IL1RL2: variants seen among roughly 807,000 people sequenced by gnomAD.
IL1RL2 encodes interleukin 1 receptor like 2.
A neutral mutation model predicts 66.8 loss-of-function variants in IL1RL2; 68 were observed. The observed-to-expected ratio is 1.02, with a 90% confidence interval of 0.84 to 1.25. IL1RL2 has a LOEUF of 1.25. Ranked by LOEUF, IL1RL2 falls within the 50% of genes most tolerant of loss-of-function variation. The probability of loss-of-function intolerance (pLI) is 0.00; values close to 1 mark genes in which losing one functional copy is unlikely to be tolerated. For synonymous variants in IL1RL2, 305 were observed against 264.6 expected (o/e 1.15, Z -1.48); for missense variants, 729 against 709.3 (o/e 1.03, Z -0.32).
At chr2:102,229,633 A>G (rs1040230955) in intron 9 of IL1RL2, among the ~76,000 whole-genome samples, 2 of 152,192 alleles carry the variant, frequency 1.3e-5, no homozygotes, top group African/African-American at 4.8e-5. Context: ...CTACAACTTG[A>G]TCTCTTGCTA....
At chr2:102,191,208 C>T (rs1384442386) in intron 3 of IL1RL2, among the ~76,000 whole-genome samples, 2 of 152,208 alleles carry the variant, frequency 1.3e-5, no homozygotes, top group Non-Finnish European at 2.9e-5. Flanking sequence ...AATCATCATA[C>T]CCTCTTAGCC....
At chr2:102,192,267 C>A in intron 4 of IL1RL2, 147 bp downstream of exon 4, 1 of 511,976 alleles carries the variant, frequency 2.0e-6, no homozygotes, top group Non-Finnish European at 3.4e-6. Flanking sequence ...TCATTGATAA[C>A]GTTACCTTCC....
At chr2:102,196,683 G>T (rs887281544) in intron 4 of IL1RL2, among the ~76,000 whole-genome samples, 1 of 152,196 alleles carries the variant, frequency 6.6e-6, no homozygotes, top group Non-Finnish European at 1.5e-5. Context: ...TTTGAACTGT[G>T]CTTGAAGAGT....
At chr2:102,192,182 T>C (rs1367292626) in intron 4 of IL1RL2, 62 bp downstream of exon 4, 35 of 1,153,774 alleles carry the variant, frequency 3.0e-5, no homozygotes, top group African/African-American at 1.6e-5. Context: ...CTGTTTTTTA[T>C]AGGTTAAGTT....
intron 9 of IL1RL2, 96 bp from the exon 10 acceptor site, chr2:102,232,867 C>G (rs1300956575): frequency 7.0e-7 from 1 of 1,420,754 alleles, no homozygotes; most frequent in Non-Finnish European, 9.6e-7. Flanking sequence ...GGAACCCAGG[C>G]CAAAGGACAC....
intron 4 of IL1RL2, among the ~76,000 whole-genome samples, chr2:102,193,583 C>T (rs1687417504): frequency 6.6e-6 from 1 of 152,236 alleles, no homozygotes; most frequent in East Asian, 1.9e-4. Context: ...AACTCCTGGC[C>T]TCAAGTGGTC....
At chr2:102,199,419 T>C (rs1259559714) in intron 4 of IL1RL2, among the ~76,000 whole-genome samples, 2 of 152,200 alleles carry the variant, frequency 1.3e-5, no homozygotes, top group Non-Finnish European at 2.9e-5. Flanking sequence ...TAGTAAGAAT[T>C]CTCAAGGCTA....
Position 102,192,077 on chromosome 2 carries a change from A to T in IL1RL2, c.446A>T (p.His149Leu), listed in dbSNP as rs937040129. Residue 149 changes from histidine to leucine, a missense_variant, in exon 4 of 12, where the codon CAC becomes CTC. Coordinates refer to ENST00000264257, the MANE Select transcript of IL1RL2 (RefSeq NM_003854.4). ...GKDDSLTCHLHFPKSCVLGPI... is the reference protein window; with the variant it reads ...GKDDSLTCHLLFPKSCVLGPI... ...GATGATAGTCTCACATGTCATCTGC[A>T]CTTCCCGAAGAGTTGTGTTTTGGGT... 1 of 1,605,718 alleles carries T rather than the reference A, an allele frequency of 6.2e-7. No homozygotes were observed. Among genetic ancestry groups the T allele is most frequent in the Non-Finnish European group, 8.5e-7 (1 of 1,177,324 alleles).
At chr2:102,196,572 G>A (rs1687803361) in intron 4 of IL1RL2, among the ~76,000 whole-genome samples, 1 of 152,178 alleles carries the variant, frequency 6.6e-6, no homozygotes, top group Non-Finnish European at 1.5e-5. Flanking sequence ...AAGCAGACAA[G>A]TAAACTAAGA....
intron 2 of IL1RL2, 42 bp from the exon 3 acceptor site, chr2:102,189,034 T>C (rs765758396): frequency 6.8e-7 from 1 of 1,478,730 alleles, no homozygotes; most frequent in Non-Finnish European, 9.3e-7. Context: ...ACTGAAGTTT[T>C]CTTTCATGGA....
chr2:102,211,261 G>C (rs113677192), intron 5 of IL1RL2, among the ~76,000 whole-genome samples: 1 of 152,262 alleles, frequency 6.6e-6, no homozygotes, highest in Non-Finnish European at 1.5e-5. Flanking sequence ...AGGAATACTG[G>C]AACTAAGTAG....
intron 11 of IL1RL2, 124 bp downstream of exon 11, chr2:102,235,401 G>A (rs13002972): frequency 0.047 from 69,330 of 1,475,008 alleles, 1,854 homozygotes; most frequent in Middle Eastern, 0.14. Context: ...TGGCAGTTGC[G>A]TACTAGTGAG....
At chr2:102,194,603 C>T (rs936307041) in intron 4 of IL1RL2, among the ~76,000 whole-genome samples, 1 of 152,108 alleles carries the variant, frequency 6.6e-6, no homozygotes, top group Non-Finnish European at 1.5e-5. Flanking sequence ...TTAATTTTTG[C>T]TATTTGGATA....
intron 9 of IL1RL2, among the ~76,000 whole-genome samples, chr2:102,229,649 G>A (rs1351774222): frequency 6.6e-6 from 1 of 152,170 alleles, no homozygotes; most frequent in Admixed American, 6.5e-5. Flanking sequence ...TGCTATTAAT[G>A]TATTGGTCAG....
intron 5 of IL1RL2, among the ~76,000 whole-genome samples, chr2:102,201,923 A>G (rs1688294436): frequency 6.6e-6 from 1 of 152,126 alleles, no homozygotes; most frequent in East Asian, 1.9e-4. Flanking sequence ...TCCTCTTCTG[A>G]ACAACAGAAC....
intron 2 of IL1RL2, 152 bp from the exon 3 acceptor site, chr2:102,188,924 G>C: frequency 1.6e-6 from 1 of 606,790 alleles, no homozygotes; most frequent in Non-Finnish European, 2.9e-6. Context: ...TAATCAGCAG[G>C]CTATTTTTAG....
At chr2:102,187,020 A>G (rs1686735702), upstream of IL1RL2, 2 of 1,289,612 alleles carry the variant, frequency 1.6e-6, no homozygotes, top group African/African-American at 1.5e-5. Flanking sequence ...GTGGCATGAC[A>G]GGGCTCGTGT....
In IL1RL2 at chr2:102,239,347, C is replaced by T. The variant is rs1310198946; in HGVS notation, c.*106C>T. 7 of 1,051,172 alleles carry T rather than the reference C, an allele frequency of 6.7e-6. No individual in the cohort carries two copies. Among genetic ancestry groups the T allele is most frequent in the Non-Finnish European group, 1.0e-5 (7 of 673,980 alleles). 65.1% of individuals were successfully genotyped at this position (1,051,172 alleles called of 1,614,324 possible). ...GCAGGATGAGGCTAGGGTTAGCATT[C>T]TAGACACCCAGTTGAGCTCAGGCGT... On this transcript the variant is annotated 3_prime_UTR_variant, in exon 12 of 12. Transcript: ENST00000264257.
chr2:102,212,095 C>G lies in IL1RL2; in HGVS notation c.650-5C>G. The G allele has an allele frequency of 1.9e-6, 3 of 1,609,872 alleles. No individual in the cohort carries two copies. The highest frequency in any genetic ancestry group is 2.6e-6 in the Non-Finnish European group (3 of 1,176,404). On this transcript the variant is annotated splice_polypyrimidine_tract_variant and splice_region_variant and intron_variant, in intron 5 of 11. Coordinates refer to ENST00000264257, the MANE Select transcript of IL1RL2 (RefSeq NM_003854.4). ...ATGCAATTTCCTGTGGGTATGATTTCTTAGCAGAAAGAGCTGGATATGGAG... is the reference window on the plus strand; with the variant it reads ...ATGCAATTTCCTGTGGGTATGATTTGTTAGCAGAAAGAGCTGGATATGGAG...
Sources: allele counts gnomAD v4.1 joint callset (sites outside exome capture counted in the v4.1 genomes callset), GRCh38; gene constraint gnomAD v4.1.1; transcripts MANE v1.5; gene names NCBI Gene and HGNC (gene_info 2026-07-23, HGNC 2026-07-21).